Variants in NUTF2 observed in about 807,000 individuals in gnomAD.
NUTF2 encodes the protein nuclear transport factor 2.
Under a neutral mutation model 18.5 loss-of-function variants are expected in NUTF2, and 3 were observed. The observed-to-expected ratio is 0.16, with a 90% CI of 0.07 to 0.42. The LOEUF (loss-of-function observed/expected upper bound fraction) is 0.42. Ranked by LOEUF, NUTF2 falls within the 10% of genes least tolerant of loss-of-function variation. The pLI, the probability that NUTF2 is intolerant of heterozygous loss-of-function variation, is 0.99. For missense variants in NUTF2, 44 were observed against 160.7 expected (o/e 0.27, Z 3.93); for synonymous variants, 51 against 57.9 (o/e 0.88, Z 0.54).
At chr16:67,866,453 G>C (rs756419225) in intron 2 of NUTF2, among the ~76,000 whole-genome samples, 62 of 151,518 alleles carry the variant, frequency 4.1e-4, no homozygotes, top group Non-Finnish European at 7.7e-4. Context: ...CTACAGGCAT[G>C]CACCACCAAG....
intron 1 of NUTF2, among the ~76,000 whole-genome samples, chr16:67,859,423 C>T (rs1162917893): frequency 6.8e-6 from 1 of 148,094 alleles, no homozygotes. Context: ...AATCTCGGTT[C>T]ACCGCAACCT....
At chr16:67,856,839 A>G (rs1229033625) in intron 1 of NUTF2, among the ~76,000 whole-genome samples, 2 of 152,172 alleles carry the variant, frequency 1.3e-5, no homozygotes, top group Non-Finnish European at 2.9e-5. Flanking sequence ...GGACATTCTA[A>G]TGCTGGCTAT....
At chr16:67,866,306 G>GTTTTTT (rs921901942) in intron 2 of NUTF2, among the ~76,000 whole-genome samples, 1 of 134,034 alleles carries the variant, frequency 7.5e-6, no homozygotes, top group African/African-American at 2.8e-5. Context: ...TCATAGTAGA[G>GTTTTTT]TTTTTTTTTT....
intron 1 of NUTF2, among the ~76,000 whole-genome samples, chr16:67,852,678 C>T (rs1309850453): frequency 6.6e-6 from 1 of 150,376 alleles, no homozygotes; most frequent in East Asian, 2.0e-4. Flanking sequence ...TATTTTATTT[C>T]TTTATTTTTT....
At chr16:67,868,048 G>A (rs1211277272) in intron 2 of NUTF2, among the ~76,000 whole-genome samples, 5 of 152,166 alleles carry the variant, frequency 3.3e-5, no homozygotes. Flanking sequence ...GCTGAGCTCA[G>A]GCCAATATAG....
intron 1 of NUTF2, among the ~76,000 whole-genome samples, chr16:67,860,527 T>A (rs1009867470): frequency 2.0e-5 from 3 of 152,238 alleles, no homozygotes; most frequent in African/African-American, 7.2e-5. Context: ...TGCGTGGGCC[T>A]CCCAAAGTGC....
intron 1 of NUTF2, among the ~76,000 whole-genome samples, chr16:67,848,225 G>A (rs974331035): frequency 6.6e-6 from 1 of 152,156 alleles, no homozygotes; most frequent in African/African-American, 2.4e-5. Context: ...AAGACCTTGG[G>A]ACTAGGGGAG....
At chr16:67,847,065 G>A (rs1370911628) in intron 1 of NUTF2, 80 bp downstream of exon 1, 1 of 150,780 alleles carries the variant, frequency 6.6e-6, no homozygotes, top group African/African-American at 2.4e-5. Flanking sequence ...GCTCCGCTGA[G>A]AGTCCCCGGG....
chr16:67,869,689 G>A (rs2151301651), intron 4 of NUTF2, among the ~76,000 whole-genome samples: 1 of 152,252 alleles, frequency 6.6e-6, no homozygotes, highest in East Asian at 2.0e-4. Context: ...GGAGGCTGCG[G>A]CAGGAGAATC....
At chr16:67,866,252 A>T (rs1391987776) in intron 2 of NUTF2, among the ~76,000 whole-genome samples, 1 of 151,562 alleles carries the variant, frequency 6.6e-6, no homozygotes, top group Non-Finnish European at 1.5e-5. Context: ...ATGAAATTTT[A>T]TTAGTGGAAG....
intron 1 of NUTF2, among the ~76,000 whole-genome samples, chr16:67,858,085 C>T (rs1025800717): frequency 1.3e-5 from 2 of 152,192 alleles, no homozygotes; most frequent in African/African-American, 2.4e-5. Flanking sequence ...TAAACAAATA[C>T]CAAACTGTGA....
chr16:67,854,114 C>A (rs1310487593), intron 1 of NUTF2, among the ~76,000 whole-genome samples: 1 of 152,254 alleles, frequency 6.6e-6, no homozygotes, highest in Non-Finnish European at 1.5e-5. Context: ...CCACGCCCAG[C>A]TAAATTTTGT....
intron 1 of NUTF2, among the ~76,000 whole-genome samples, chr16:67,859,823 G>A (rs1325493787): frequency 1.8e-4 from 11 of 59,794 alleles, no homozygotes; most frequent in African/African-American, 6.9e-4. Context: ...TTTTTTTTTT[G>A]GAGATGGAGC....
intron 1 of NUTF2, among the ~76,000 whole-genome samples, chr16:67,861,178 G>A (rs1360286923): frequency 6.6e-6 from 1 of 152,214 alleles, no homozygotes. Flanking sequence ...GACCTAGAGC[G>A]AGTTGGAGTT....
chr16:67,859,561 T>A (rs1427973986), intron 1 of NUTF2, among the ~76,000 whole-genome samples: 1 of 152,042 alleles, frequency 6.6e-6, no homozygotes, highest in East Asian at 1.9e-4. Context: ...TTTCTCTATG[T>A]TGGCCAGGCT....
chr16:67,860,188 C>T (rs533702920), intron 1 of NUTF2, among the ~76,000 whole-genome samples: 1 of 152,196 alleles, frequency 6.6e-6, no homozygotes, highest in Non-Finnish European at 1.5e-5. Context: ...ACCATGTTAG[C>T]CAGGATGGTC....
chr16:67,862,064 A>G (rs2057938819), intron 1 of NUTF2, among the ~76,000 whole-genome samples: 1 of 151,460 alleles, frequency 6.6e-6, no homozygotes, highest in African/African-American at 2.4e-5. Context: ...TGGCTTAGGG[A>G]GATGGGGATG....
At chr16:67,868,209 CCTT>C (rs1484506593) in intron 2 of NUTF2, 128 bp from the exon 3 acceptor site, 4 of 728,166 alleles carry the variant, frequency 5.5e-6, no homozygotes, top group South Asian at 3.7e-5. Context: ...TACTCAGTCT[CCTT>C]CTTTAGACAG....
In NUTF2 at chr16:67,872,014, C is replaced by G. The variant is rs1342563679; in HGVS notation, c.*1101C>G. 3 of 152,386 alleles carry G rather than the reference C, an allele frequency of 2.0e-5. No homozygotes were observed. The highest frequency in any genetic ancestry group is 3.2e-3 in the Middle Eastern group (1 of 316). 9.4% of individuals were successfully genotyped at this position (152,386 alleles called of 1,614,324 possible). The stretch of plus-strand genomic sequence containing the variant: ...TGCTGCAGGACATTGCCAGGCCTCT[C>G]TCCACTTCCTTCCTCAGCATACAGA... On this transcript the variant is annotated 3_prime_UTR_variant, in exon 5 of 5. Transcript: ENST00000219169.
Sources: allele counts gnomAD v4.1 joint callset (sites outside exome capture counted in the v4.1 genomes callset), GRCh38; gene constraint gnomAD v4.1.1; transcripts MANE v1.5; gene names NCBI Gene and HGNC (gene_info 2026-07-23, HGNC 2026-07-21).